The following PTPRO variants were observed in gnomAD, a reference collection of about 807,000 sequenced individuals.
PTPRO encodes the protein protein tyrosine phosphatase receptor type O, also known as receptor-type tyrosine-protein phosphatase O.
In PTPRO, 62 loss-of-function variants were observed where a neutral mutation model predicts 145.2. That is an observed-to-expected ratio of 0.43 (90% CI 0.35 to 0.53). The LOEUF (loss-of-function observed/expected upper bound fraction) is 0.53, where lower values mean the gene tolerates loss of function less well. Among genes scored for constraint, PTPRO ranks in the 20% least tolerant of loss-of-function variants. The pLI is 0.01. For missense variants in PTPRO, 1,345 were observed against 1,482.7 expected, an observed-to-expected ratio of 0.91 and a Z score of 1.53; for synonymous variants, 565 against 514.7, an observed-to-expected ratio of 1.10 and a Z score of -1.32.
chr12:15,505,119 C>T (rs1942295913), intron 6 of PTPRO, among the ~76,000 whole-genome samples: 1 of 152,186 alleles, frequency 6.6e-6, no homozygotes, highest in African/African-American at 2.4e-5. Flanking sequence ...AAATGCCTCA[C>T]TTACCAAATA....
At chr12:15,389,755 T>A (rs1355954397) in intron 1 of PTPRO, among the ~76,000 whole-genome samples, 2 of 152,210 alleles carry the variant, frequency 1.3e-5, no homozygotes, top group Non-Finnish European at 2.9e-5. Flanking sequence ...ACCCAACGAA[T>A]GTAGGTTTCC....
intron 17 of PTPRO, among the ~76,000 whole-genome samples, chr12:15,564,975 C>T (rs1292895605): frequency 1.3e-5 from 2 of 152,088 alleles, no homozygotes; most frequent in Admixed American, 6.6e-5. Flanking sequence ...ATTAGCATTT[C>T]CTGTGTTTGA....
intron 16 of PTPRO, among the ~76,000 whole-genome samples, chr12:15,558,574 G>A (rs916098410): frequency 6.6e-6 from 1 of 152,160 alleles, no homozygotes; most frequent in African/African-American, 2.4e-5. Flanking sequence ...AAGCTAACAT[G>A]TACTACTTAC....
rs1400765895 is a variant in PTPRO, at chr12:15,421,909, T to C, written c.76-62065T>C. Among the ~76,000 whole-genome samples the C allele has an allele frequency of 2.0e-5, 3 of 152,186 alleles. No individual in the cohort carries two copies. In the East Asian group the frequency reaches 5.8e-4, roughly 29 times the overall value. ...TTTAAAGTGTGACAGGATTAGCACC[T>C]ATCTCATAGGCATGACATGCTTAGA... On this transcript the variant is annotated intron_variant, in intron 1 of 26. Transcript: ENST00000281171.
chr12:15,367,501 A>G (rs936164066), intron 1 of PTPRO, among the ~76,000 whole-genome samples: 2 of 152,210 alleles, frequency 1.3e-5, no homozygotes, highest in African/African-American at 4.8e-5. Context: ...CAGTGAGGGT[A>G]ATATCTATTT....
chr12:15,572,955 A>G (rs1944092543), intron 19 of PTPRO, among the ~76,000 whole-genome samples: 1 of 152,212 alleles, frequency 6.6e-6, no homozygotes, highest in Non-Finnish European at 1.5e-5. Context: ...CGCACAATAG[A>G]GAATTGTCCT....
rs78349608 is a variant in PTPRO at position 15,401,214 on chromosome 12, C to T, written c.75+78413C>T. Among the ~76,000 whole-genome samples, 143 of 152,270 alleles carry T rather than the reference C, an allele frequency of 9.4e-4. 1 individual carries two copies. The highest frequency in any genetic ancestry group is 3.3e-3 in the African/African-American group (137 of 41,546). On this transcript the variant is annotated intron_variant, in intron 1 of 26. Coordinates refer to ENST00000281171, the MANE Select transcript of PTPRO (RefSeq NM_030667.3). Reference sequence around the variant, plus strand: ...AGATTTAACCAGTAGTTAAATGACTCCCCAGGGTTTTAGCCAGAAGTTAAA... The same window carrying T: ...AGATTTAACCAGTAGTTAAATGACTTCCCAGGGTTTTAGCCAGAAGTTAAA...
intron 1 of PTPRO, among the ~76,000 whole-genome samples, chr12:15,459,263 A>G (rs1941248586): frequency 6.6e-6 from 1 of 152,088 alleles, no homozygotes; most frequent in Admixed American, 6.5e-5. Context: ...CAGGTCTGTG[A>G]TGGGGGCCGG....
intron 7 of PTPRO, among the ~76,000 whole-genome samples, chr12:15,512,762 G>A (rs1352728272): frequency 6.6e-6 from 1 of 152,170 alleles, no homozygotes; most frequent in Admixed American, 6.5e-5. Flanking sequence ...GGGAGGCCAA[G>A]GCAGGAGAGG....
intron 15 of PTPRO, among the ~76,000 whole-genome samples, chr12:15,556,294 G>A (rs573401502): frequency 2.0e-5 from 3 of 152,136 alleles, no homozygotes; most frequent in African/African-American, 7.2e-5. Context: ...AATTGTTCTT[G>A]GAACACCTTA....
chr12:15,497,529 TA>T, intron 3 of PTPRO, 126 bp downstream of exon 3: 1 of 1,010,578 alleles, frequency 9.9e-7, no homozygotes, highest in East Asian at 2.6e-5. Context: ...AATGAGCCAT[TA>T]AAAATAATTA....
chr12:15,506,693 A>G (rs1455650128), intron 6 of PTPRO, among the ~76,000 whole-genome samples: 4 of 152,102 alleles, frequency 2.6e-5, no homozygotes, highest in Non-Finnish European at 1.5e-5. Flanking sequence ...CCATGATCCA[A>G]TTACCTCCCA....
rs73313554 is a variant in PTPRO, at chr12:15,569,741, C to T, written c.2829+243C>T. ...AGGTGCAGGTACTGAGGTGAGCAAA[C>T]ATGGGTATAGTAGAAGCCATCATTG... On this transcript the variant is annotated intron_variant, in intron 19 of 26. Coordinates refer to ENST00000281171, the MANE Select transcript of PTPRO (RefSeq NM_030667.3). Among the ~76,000 whole-genome samples, 6,480 of 152,182 alleles carry T rather than the reference C, an allele frequency of 0.043. 432 individuals are homozygous for T. The highest frequency in any genetic ancestry group is 0.14 in the African/African-American group (5,922 of 41,484).
chr12:15,475,628 C>T (rs987504182), intron 1 of PTPRO, among the ~76,000 whole-genome samples: 3 of 151,804 alleles, frequency 2.0e-5, no homozygotes, highest in Non-Finnish European at 4.4e-5. Context: ...AAATGAAACA[C>T]ACTTTGGCAA....
intron 1 of PTPRO, among the ~76,000 whole-genome samples, chr12:15,396,988 C>G (rs1349474943): frequency 6.6e-6 from 1 of 151,988 alleles, no homozygotes; most frequent in Non-Finnish European, 1.5e-5. Context: ...TTTTTTGACA[C>G]CCAGAAGCTT....
At chr12:15,543,563 C>T (rs951159459) in intron 12 of PTPRO, among the ~76,000 whole-genome samples, 1 of 152,142 alleles carries the variant, frequency 6.6e-6, no homozygotes, top group Non-Finnish European at 1.5e-5. Context: ...GTTGATGAAT[C>T]TTGACTCATG....
chr12:15,400,245 C>T (rs763994251), intron 1 of PTPRO, among the ~76,000 whole-genome samples: 1 of 151,810 alleles, frequency 6.6e-6, no homozygotes, highest in Non-Finnish European at 1.5e-5. Context: ...CCCGCCTTGG[C>T]CTCCCAACGT....
At chr12:15,480,430 C>A (rs1941754090) in intron 1 of PTPRO, among the ~76,000 whole-genome samples, 1 of 152,050 alleles carries the variant, frequency 6.6e-6, no homozygotes, top group African/African-American at 2.4e-5. Flanking sequence ...TTGGATGGAA[C>A]CTACACATGC....
intron 13 of PTPRO, among the ~76,000 whole-genome samples, chr12:15,548,806 G>A (rs1016934788): frequency 6.6e-6 from 1 of 152,076 alleles, no homozygotes; most frequent in African/African-American, 2.4e-5. Context: ...ATAATGTGTA[G>A]GCTAAGCCAT....
Sources: allele counts gnomAD v4.1 joint callset (sites outside exome capture counted in the v4.1 genomes callset), GRCh38; gene constraint gnomAD v4.1.1; transcripts MANE v1.5; gene names NCBI Gene and HGNC (gene_info 2026-07-23, HGNC 2026-07-21).